The following FIGN variants were observed in gnomAD, a reference collection of about 807,000 sequenced individuals.
FIGN encodes fidgetin, microtubule severing factor.
A neutral mutation model predicts 51.3 loss-of-function variants in FIGN; 11 were observed. That is an observed-to-expected ratio of 0.21 (90% CI 0.13 to 0.35). The LOEUF (loss-of-function observed/expected upper bound fraction) is 0.35, where lower values mean the gene tolerates loss of function less well. FIGN is among the 10% of genes least tolerant of loss of function. FIGN has a pLI of 1.00. For synonymous variants in FIGN, 407 were observed against 363.2 expected, an observed-to-expected ratio of 1.12 and a Z score of -1.37; for missense variants, 857 against 943.6, an observed-to-expected ratio of 0.91 and a Z score of 1.20.
At chr2:163,718,535 T>C (rs1684704854) in intron 2 of FIGN, among the ~76,000 whole-genome samples, 1 of 152,194 alleles carries the variant, frequency 6.6e-6, no homozygotes, top group Non-Finnish European at 1.5e-5. Context: ...GTAGTAACTT[T>C]AGAAGACTGA....
At chr2:163,637,077 T>TCAAA (rs548792889) in intron 2 of FIGN, among the ~76,000 whole-genome samples, 1 of 152,072 alleles carries the variant, frequency 6.6e-6, no homozygotes, top group African/African-American at 2.4e-5. Flanking sequence ...AGACACCGTC[T>TCAAA]CAAACAAACA....
chr2:163,728,913 A>G (rs1339258161), intron 2 of FIGN, among the ~76,000 whole-genome samples: 1 of 152,194 alleles, frequency 6.6e-6, no homozygotes, highest in African/African-American at 2.4e-5. Flanking sequence ...GGTGAAGGTA[A>G]AAATGTCTCT....
chr2:163,734,902 C>A lies in FIGN; in HGVS notation c.25+1G>T. The stretch of plus-strand genomic sequence containing the variant: ...GGAAGTAAATTCCAAAACTGACATA[C>A]CATAAACACTGGTGCTACTGATCAT... On this transcript the variant is annotated splice_donor_variant, in intron 2 of 2. Transcript: ENST00000333129. LOFTEE classifies it high-confidence loss of function. The A allele has an allele frequency of 1.2e-6, 2 of 1,609,320 alleles. No homozygotes were observed. Among genetic ancestry groups the A allele is most frequent in the Non-Finnish European group, 1.7e-6 (2 of 1,178,182 alleles).
intron 2 of FIGN, among the ~76,000 whole-genome samples, chr2:163,704,689 C>T (rs1684470597): frequency 7.2e-6 from 1 of 138,872 alleles, no homozygotes; most frequent in Admixed American, 7.4e-5. Context: ...CACACACACA[C>T]AGTGCTTAGT....
rs577006750 is a variant in FIGN at position 163,610,119 on chromosome 2, A to G, written c.1713T>C (p.Phe571=). 7 of 1,614,048 alleles carry G rather than the reference A, an allele frequency of 4.3e-6. No homozygotes were observed. In the South Asian group the frequency reaches 6.6e-5, roughly 15 times the overall value. Residue 571 remains phenylalanine (F), a synonymous_variant, in exon 3 of 3, where the codon TTT becomes TTC. Transcript: ENST00000333129. ...GEAEKIIHAS[F]LVARCRQPSV... The stretch of plus-strand genomic sequence containing the variant: ...AGGGCTGGCGACACCTGGCCACAAG[A>G]AAAGAGGCATGGATAATTTTCTCTG...
At chr2:163,709,621 T>C (rs1051678391) in intron 2 of FIGN, among the ~76,000 whole-genome samples, 2 of 151,764 alleles carry the variant, frequency 1.3e-5, no homozygotes, top group African/African-American at 2.4e-5. Context: ...AGCGATTTAC[T>C]ATGTGTTCAA....
At chr2:163,734,831 T>TTTCATTTGTCTTTCCTATTTAGATGCAAA in intron 2 of FIGN, 72 bp downstream of exon 2, 1 of 1,441,812 alleles carries the variant, frequency 6.9e-7, no homozygotes, top group Admixed American at 2.1e-5. Flanking sequence ...CAGTCTTCAA[T>TTTCATTTGTCTTTCCTATTTAGATGCAAA]GGTTTTATCA....
At chr2:163,616,276 A>G (rs371470094) in intron 2 of FIGN, among the ~76,000 whole-genome samples, 34 of 152,332 alleles carry the variant, frequency 2.2e-4, no homozygotes, top group East Asian at 2.1e-3. Flanking sequence ...AATTTTAAAC[A>G]GTAATATAGA....
intron 2 of FIGN, among the ~76,000 whole-genome samples, chr2:163,725,274 G>T (rs944782418): frequency 3.3e-5 from 5 of 151,608 alleles, no homozygotes; most frequent in African/African-American, 1.2e-4. Context: ...AGAAAGAAAA[G>T]AAAAGAAAAA....
intron 2 of FIGN, among the ~76,000 whole-genome samples, chr2:163,661,814 A>G (rs765812367): frequency 6.6e-6 from 1 of 152,066 alleles, no homozygotes; most frequent in Non-Finnish European, 1.5e-5. Context: ...TCTTGCTGCC[A>G]CCATGTAAGA....
intron 2 of FIGN, among the ~76,000 whole-genome samples, chr2:163,666,829 A>C (rs1683781539): frequency 6.6e-6 from 1 of 152,050 alleles, no homozygotes; most frequent in Non-Finnish European, 1.5e-5. Context: ...TGGGGTTTGA[A>C]CATAAATTTG....
intron 2 of FIGN, among the ~76,000 whole-genome samples, chr2:163,676,434 AATATATATATATAT>A (rs202072418): frequency 0.062 from 4,061 of 65,772 alleles, 196 homozygotes; most frequent in African/African-American, 0.11. Context: ...GGATTCCTGG[AATATATATATATAT>A]ATATATATAT....
At chr2:163,660,199 G>T (rs1683628841) in intron 2 of FIGN, among the ~76,000 whole-genome samples, 1 of 152,120 alleles carries the variant, frequency 6.6e-6, no homozygotes, top group South Asian at 2.1e-4. Flanking sequence ...TCCCTCTTAA[G>T]AGATTTGTTA....
chr2:163,628,757 A>T lies in FIGN; in HGVS notation c.26-16951T>A, dbSNP rs187294220. Reference sequence around the variant, plus strand: ...TTAAAGGAAATCACTGGAAAAATTTAAAAAAAAATTGTGACATATCTGTCC... The same window carrying T: ...TTAAAGGAAATCACTGGAAAAATTTTAAAAAAAATTGTGACATATCTGTCC... On this transcript the variant is annotated intron_variant, in intron 2 of 2. Coordinates refer to ENST00000333129, the MANE Select transcript of FIGN (RefSeq NM_018086.4). Among the ~76,000 whole-genome samples, 160 of 151,732 alleles carry T rather than the reference A, an allele frequency of 1.1e-3. 1 individual carries two copies. The highest frequency in any genetic ancestry group is 2.2e-3 in the African/African-American group (93 of 41,416).
chr2:163,656,515 A>G (rs1162232948), intron 2 of FIGN, among the ~76,000 whole-genome samples: 1 of 152,136 alleles, frequency 6.6e-6, no homozygotes, highest in Non-Finnish European at 1.5e-5. Context: ...ACACTCCTGG[A>G]GGGGCTCATC....
chr2:163,672,161 C>G (rs1402097210), intron 2 of FIGN, among the ~76,000 whole-genome samples: 1 of 151,954 alleles, frequency 6.6e-6, no homozygotes, highest in Non-Finnish European at 1.5e-5. Context: ...ATCTGCCTCT[C>G]CTCTGTCCAT....
intron 2 of FIGN, among the ~76,000 whole-genome samples, chr2:163,671,472 C>G (rs563887732): frequency 6.6e-6 from 1 of 152,156 alleles, no homozygotes; most frequent in African/African-American, 2.4e-5. Flanking sequence ...GGACAAACTA[C>G]GCTATCCTTT....
intron 2 of FIGN, among the ~76,000 whole-genome samples, chr2:163,619,857 C>T (rs990378426): frequency 6.6e-6 from 1 of 152,066 alleles, no homozygotes; most frequent in East Asian, 1.9e-4. Context: ...TATTATCATG[C>T]TCACACACAA....
chr2:163,724,387 T>C (rs1297558977), intron 2 of FIGN, among the ~76,000 whole-genome samples: 1 of 152,186 alleles, frequency 6.6e-6, no homozygotes, highest in Non-Finnish European at 1.5e-5. Flanking sequence ...TGACATTTTT[T>C]TAAAAGGTAA....
Sources: allele counts gnomAD v4.1 joint callset (sites outside exome capture counted in the v4.1 genomes callset), GRCh38; gene constraint gnomAD v4.1.1; transcripts MANE v1.5; gene names NCBI Gene and HGNC (gene_info 2026-07-23, HGNC 2026-07-21).